Variants in FAM120B observed in about 807,000 individuals in gnomAD.
The protein encoded by FAM120B is family with sequence similarity 120 member B.
A neutral mutation model predicts 96.3 loss-of-function variants in FAM120B; 83 were observed. That is an observed-to-expected ratio of 0.86 (90% confidence interval 0.72 to 1.03). The LOEUF (loss-of-function observed/expected upper bound fraction) is 1.03, where lower values mean the gene tolerates loss of function less well. FAM120B is among the 50% of genes least tolerant of loss of function. FAM120B has a pLI of 0.00. For synonymous variants in FAM120B, 407 were observed against 402.7 expected, an observed-to-expected ratio of 1.01 and a Z score of -0.13; for missense variants, 1,027 against 1,121.2, an observed-to-expected ratio of 0.92 and a Z score of 1.20.
intron 6 of FAM120B, among the ~76,000 whole-genome samples, chr6:170,376,507 G>A (rs759992672): frequency 1.8e-4 from 28 of 152,028 alleles, no homozygotes; most frequent in African/African-American, 4.6e-4. Flanking sequence ...GCAGCGGGGC[G>A]TTAGAGGAAT....
At chr6:170,311,812 G>C (rs888984339) in intron 1 of FAM120B, among the ~76,000 whole-genome samples, 1 of 152,212 alleles carries the variant, frequency 6.6e-6, no homozygotes, top group African/African-American at 2.4e-5. Context: ...TTGTTGAAGA[G>C]AGCTGAATAT....
chr6:170,349,876 G>A (rs187305125), intron 5 of FAM120B, among the ~76,000 whole-genome samples: 1 of 152,198 alleles, frequency 6.6e-6, no homozygotes, highest in Admixed American at 6.5e-5. Flanking sequence ...GTAAACTAGG[G>A]GTGGAGGGCA....
chr6:170,378,438 G>A (rs995458828), intron 6 of FAM120B, among the ~76,000 whole-genome samples: 1 of 152,160 alleles, frequency 6.6e-6, no homozygotes, highest in Non-Finnish European at 1.5e-5. Context: ...CCTCCCTGAG[G>A]ACTTGTTTCC....
At chr6:170,308,339 A>C (rs559485772) in intron 1 of FAM120B, among the ~76,000 whole-genome samples, 25 of 120,300 alleles carry the variant, frequency 2.1e-4, no homozygotes, top group South Asian at 6.0e-4. Context: ...GCACACCCCC[A>C]CACACACCCC....
chr6:170,388,599 A>G (rs902700802), intron 7 of FAM120B, 106 bp downstream of exon 7: 3 of 933,538 alleles, frequency 3.2e-6, no homozygotes, highest in Non-Finnish European at 5.1e-6. Flanking sequence ...TGCTTTCCAA[A>G]TAAAGGATTC....
chr6:170,368,944 C>G (rs553235496), intron 6 of FAM120B, among the ~76,000 whole-genome samples: 1 of 149,446 alleles, frequency 6.7e-6, no homozygotes, highest in East Asian at 2.4e-4. Flanking sequence ...CCCACCCCCC[C>G]ACCATGAGCC....
rs916337439 is a variant in FAM120B, at chr6:170,376,211, A to G, written c.2284-12076A>G. On this transcript the variant is annotated intron_variant, in intron 6 of 10. Coordinates refer to ENST00000476287, the MANE Select transcript of FAM120B (RefSeq NM_032448.3). ...GGTCTCTAAGGTAGGTTAACAGACA[A>G]GGGGAGGAGGTGATGAAGTCAGCTT... Among the ~76,000 whole-genome samples the G allele has an allele frequency of 3.9e-5, 6 of 152,212 alleles. No homozygotes were observed. In the East Asian group the frequency reaches 9.7e-4, roughly 25 times the overall value.
intron 7 of FAM120B, among the ~76,000 whole-genome samples, chr6:170,389,697 C>A (rs1790380934): frequency 6.6e-6 from 1 of 152,024 alleles, no homozygotes; most frequent in African/African-American, 2.4e-5. Flanking sequence ...GTAGCCAGGA[C>A]TGCAGGCGCG....
intron 9 of FAM120B, among the ~76,000 whole-genome samples, chr6:170,400,987 C>A (rs1025336446): frequency 6.6e-6 from 1 of 152,188 alleles, no homozygotes; most frequent in Non-Finnish European, 1.5e-5. Context: ...CCAAAAGAAC[C>A]CCCTTCCTTG....
chr6:170,383,354 A>G (rs1790022078), intron 6 of FAM120B, among the ~76,000 whole-genome samples: 1 of 152,216 alleles, frequency 6.6e-6, no homozygotes, highest in African/African-American at 2.4e-5. Context: ...ATGTCGCTCT[A>G]TTAGGATAAG....
intron 2 of FAM120B, among the ~76,000 whole-genome samples, chr6:170,320,567 G>A (rs546980496): frequency 6.6e-6 from 1 of 152,328 alleles, no homozygotes; most frequent in South Asian, 2.1e-4. Flanking sequence ...GGCGATGGTA[G>A]ATGGTGTTAA....
Position 170,317,745 on chromosome 6 carries a change from A to G in FAM120B, c.355A>G (p.Ile119Val). Residue 119 changes from isoleucine (I) to valine (V), a missense_variant, in exon 2 of 11, where the codon ATC (isoleucine) becomes GTC (valine). By Grantham distance (29) the Ile-to-Val change is conservative. This residue lies in a region of FAM120B where 880 missense variants were observed against 980.9 expected (regional missense o/e 0.90). Coordinates refer to ENST00000476287, the MANE Select transcript of FAM120B (RefSeq NM_032448.3). ...GGAGATATCCAGGATTTTTCATTAC[A>G]TCAAGTCACACAAGGAGCAGCCAGG... is the stretch of plus-strand genomic sequence containing the variant. ...NREISRIFHY[I>V]KSHKEQPGRN... is the part of the protein sequence containing the mutation. The G allele has an allele frequency of 6.2e-7, 1 of 1,614,176 alleles. No individual in the cohort carries two copies. Among genetic ancestry groups the G allele is most frequent in the Non-Finnish European group, 8.5e-7 (1 of 1,179,988 alleles).
intron 3 of FAM120B, among the ~76,000 whole-genome samples, chr6:170,323,825 C>A (rs1050169299): frequency 2.0e-5 from 3 of 152,042 alleles, no homozygotes; most frequent in African/African-American, 4.8e-5. Flanking sequence ...GAATTTTAAC[C>A]CCAAGGAGAA....
chr6:170,340,616 A>G (rs1786757213), intron 4 of FAM120B, among the ~76,000 whole-genome samples: 1 of 152,094 alleles, frequency 6.6e-6, no homozygotes, highest in African/African-American at 2.4e-5. Flanking sequence ...GTTTTTCCTC[A>G]TCTTCGTGGA....
At chr6:170,341,176 T>TAA (rs1786800676) in intron 4 of FAM120B, among the ~76,000 whole-genome samples, 1 of 152,226 alleles carries the variant, frequency 6.6e-6, no homozygotes, top group African/African-American at 2.4e-5. Flanking sequence ...TGACTGGGGC[T>TAA]GCTGCCTTTC....
At chr6:170,302,042 T>C (rs1784151907), upstream of FAM120B, among the ~76,000 whole-genome samples, 1 of 152,184 alleles carries the variant, frequency 6.6e-6, no homozygotes, top group Non-Finnish European at 1.5e-5. Context: ...CAACAGCACC[T>C]CACTACCTGG....
At position 170,358,300 on chromosome 6, in the gene FAM120B, G is replaced by A. The variant is rs755474073; in HGVS notation, c.2265G>A (p.Ser755=). Residue 755 remains serine, a synonymous_variant, in exon 6 of 11, where the codon TCG becomes TCA. Transcript: ENST00000476287. ...TGTGCCTCCAAGGAAAATCCACCTC[G>A]CAGCTTGTAAATCTACAGGTACAGA... ...QALCLQGKST[S]QLVNLQPDYI... 10 of 1,605,134 alleles carry A rather than the reference G, an allele frequency of 6.2e-6. No homozygotes were observed. The highest frequency in any genetic ancestry group is 4.0e-5 in the African/African-American group (3 of 74,862).
intron 6 of FAM120B, among the ~76,000 whole-genome samples, chr6:170,382,143 G>A (rs1441118307): frequency 1.3e-5 from 2 of 152,182 alleles, no homozygotes; most frequent in East Asian, 3.9e-4. Flanking sequence ...GAGCTAGGTG[G>A]GGTGTGGTGG....
intron 6 of FAM120B, among the ~76,000 whole-genome samples, chr6:170,377,273 G>A (rs1318767042): frequency 6.5e-5 from 7 of 107,880 alleles, no homozygotes; most frequent in African/African-American, 2.5e-4. Flanking sequence ...CACGCTGCTC[G>A]GTGCTGTGCA....
Sources: gnomAD v4.1 joint callset for allele counts (sites outside exome capture counted in the v4.1 genomes callset) on GRCh38, gnomAD v4.1.1 for gene constraint, gnomAD v4.1.1 regional missense constraint, MANE v1.5 for transcripts, NCBI Gene and HGNC (gene_info 2026-07-23, HGNC 2026-07-21) for gene names.